Variants in RGS7BP observed in about 807,000 individuals in gnomAD.
RGS7BP encodes the protein regulator of G protein signaling 7-binding protein.
In RGS7BP, 9 loss-of-function variants were observed where a neutral mutation model predicts 31.3. The observed-to-expected ratio is 0.29, with a 90% CI of 0.17 to 0.50. The LOEUF is 0.50. RGS7BP is among the 20% of genes least tolerant of loss of function. RGS7BP has a pLI of 0.98. For missense variants in RGS7BP, 274 were observed against 322.0 expected, an observed-to-expected ratio of 0.85 and a Z score of 1.14; for synonymous variants, 115 against 120.1, an observed-to-expected ratio of 0.96 and a Z score of 0.28.
intron 3 of RGS7BP, among the ~76,000 whole-genome samples, chr5:64,583,413 G>A (rs542068265): frequency 1.1e-4 from 17 of 151,932 alleles, no homozygotes; most frequent in Non-Finnish European, 2.4e-4. Flanking sequence ...AGACTGAACA[G>A]GTTTCTGTTT....
Position 64,506,585 on chromosome 5 carries a change from C to G in RGS7BP, c.-40C>G, listed in dbSNP as rs1748685041. ...AACAACCGGGCCGCCCGCGCCGGGGCGCACTGCACCAGCGGCTTCGGCTTG... is the reference window on the plus strand; with the variant it reads ...AACAACCGGGCCGCCCGCGCCGGGGGGCACTGCACCAGCGGCTTCGGCTTG... On this transcript the variant is annotated 5_prime_UTR_variant, in exon 1 of 6. Transcript: ENST00000334025. The surrounding 1 kb of genome is among the most constrained non-coding windows in gnomAD (Gnocchi z 4.6). 6.5e-7 allele frequency: 1 copy of G among 1,542,878 alleles called. No individual in the cohort carries two copies. The highest frequency in any genetic ancestry group is 1.4e-5 in the African/African-American group (1 of 72,658).
chr5:64,540,428 T>C (rs1741499629), intron 2 of RGS7BP, among the ~76,000 whole-genome samples: 2 of 152,220 alleles, frequency 1.3e-5, no homozygotes, highest in Non-Finnish European at 2.9e-5. Flanking sequence ...ATCTTTAAAC[T>C]TGATAGACCA....
At chr5:64,595,933 C>T (rs1743052720) in intron 4 of RGS7BP, among the ~76,000 whole-genome samples, 1 of 152,088 alleles carries the variant, frequency 6.6e-6, no homozygotes, top group Admixed American at 6.6e-5. Context: ...TTTGTATAAG[C>T]TTGGAAATGC....
rs187024363 is a variant in RGS7BP, at chr5:64,511,748, T to C, written c.332+3871T>C. ...CAACTTGACAAAGAATACGTGAAGA[T>C]TTTGGAGTCAGGCAGACCTGGAATG... On this transcript the variant is annotated intron_variant, in intron 2 of 5. Coordinates refer to ENST00000334025, the MANE Select transcript of RGS7BP (RefSeq NM_001029875.3). 1.3e-3 allele frequency among the ~76,000 whole-genome samples: 191 copies of C among 152,276 alleles called. 3 individuals are homozygous for C. The highest frequency in any genetic ancestry group is 1.7e-3 in the Non-Finnish European group (114 of 68,028).
chr5:64,579,360 A>G, intron 3 of RGS7BP, among the ~76,000 whole-genome samples: 1 of 151,996 alleles, frequency 6.6e-6, no homozygotes, highest in Non-Finnish European at 1.5e-5. Context: ...CCTGACCAAC[A>G]TGGTGAAACC....
chr5:64,597,071 T>A (rs1361142265), intron 4 of RGS7BP, among the ~76,000 whole-genome samples: 1 of 152,184 alleles, frequency 6.6e-6, no homozygotes, highest in Non-Finnish European at 1.5e-5. Context: ...AATTAAAGGA[T>A]GCATCTGCTT....
intron 2 of RGS7BP, among the ~76,000 whole-genome samples, chr5:64,544,770 C>G (rs1167049298): frequency 6.6e-6 from 1 of 152,140 alleles, no homozygotes; most frequent in Non-Finnish European, 1.5e-5. Context: ...TACAAAGGCT[C>G]TGGGATGCAA....
At chr5:64,600,095 C>A (rs541213908) in intron 5 of RGS7BP, among the ~76,000 whole-genome samples, 1 of 152,312 alleles carries the variant, frequency 6.6e-6, no homozygotes, top group East Asian at 1.9e-4. Flanking sequence ...ATATGTCAGG[C>A]TGGTCTTGAG....
At chr5:64,529,831 C>T (rs1336012460) in intron 2 of RGS7BP, among the ~76,000 whole-genome samples, 1 of 152,216 alleles carries the variant, frequency 6.6e-6, no homozygotes, top group Non-Finnish European at 1.5e-5. Context: ...TGTATCTCTG[C>T]TTCAGTTTTC....
intron 2 of RGS7BP, among the ~76,000 whole-genome samples, chr5:64,532,005 A>G (rs1251965783): frequency 6.6e-6 from 1 of 152,108 alleles, no homozygotes; most frequent in Non-Finnish European, 1.5e-5. Context: ...GCATACAAGC[A>G]CAAGTAAAGA....
chr5:64,557,426 A>G (rs896277437), intron 2 of RGS7BP, among the ~76,000 whole-genome samples: 1 of 152,116 alleles, frequency 6.6e-6, no homozygotes, highest in African/African-American at 2.4e-5. Context: ...ATCCTGATAC[A>G]AGTGCTCTTT....
intron 2 of RGS7BP, among the ~76,000 whole-genome samples, chr5:64,513,745 G>A (rs1748900641): frequency 6.6e-6 from 1 of 152,202 alleles, no homozygotes; most frequent in Non-Finnish European, 1.5e-5. Context: ...GGCATGCCAG[G>A]CCACCCACTC....
intron 2 of RGS7BP, among the ~76,000 whole-genome samples, chr5:64,514,494 T>C (rs796904771): frequency 1.3e-5 from 2 of 152,332 alleles, no homozygotes; most frequent in African/African-American, 4.8e-5. Context: ...CAGGGCCCAA[T>C]GTTTAATCAT....
In RGS7BP at chr5:64,611,041, A is replaced by G. The variant is rs1396834845; in HGVS notation, c.*1789A>G. ...TAGCCGTGGAAAGCTATATGAGAAAATCACAATTTTCTGAATCAAATATTT... is the reference window on the plus strand; with the variant it reads ...TAGCCGTGGAAAGCTATATGAGAAAGTCACAATTTTCTGAATCAAATATTT... On this transcript the variant is annotated 3_prime_UTR_variant, in exon 6 of 6. Transcript: ENST00000334025. 1.3e-5 allele frequency: 2 copies of G among 151,932 alleles called. No homozygotes were observed. Among genetic ancestry groups the G allele is most frequent in the Admixed American group, 6.6e-5 (1 of 15,222 alleles). The allele number at this position is 151,932 out of a possible 1,614,324, so 9.4% of individuals were successfully genotyped here.
At chr5:64,577,970 G>A (rs963935569) in intron 3 of RGS7BP, among the ~76,000 whole-genome samples, 2 of 152,100 alleles carry the variant, frequency 1.3e-5, no homozygotes, top group African/African-American at 4.8e-5. Flanking sequence ...GTAGCTCCTC[G>A]ATTTGCCACC....
chr5:64,600,411 C>A (rs1049622073), intron 5 of RGS7BP, among the ~76,000 whole-genome samples: 3 of 152,030 alleles, frequency 2.0e-5, no homozygotes, highest in African/African-American at 7.2e-5. Flanking sequence ...TTTATTTGGT[C>A]ATTTATAATC....
intron 2 of RGS7BP, among the ~76,000 whole-genome samples, chr5:64,532,042 A>T (rs1307555175): frequency 1.3e-5 from 2 of 152,080 alleles, no homozygotes; most frequent in African/African-American, 4.8e-5. Context: ...GCTTATCGGG[A>T]AGTGCTATTT....
intron 2 of RGS7BP, among the ~76,000 whole-genome samples, chr5:64,518,917 G>T (rs1048584539): frequency 1.6e-4 from 25 of 152,094 alleles, no homozygotes; most frequent in Admixed American, 1.6e-3. Context: ...CCCATTAAAT[G>T]TGGCCCTTCT....
In RGS7BP at chr5:64,507,791, C is replaced by T. The variant is rs764785198; in HGVS notation, c.246C>T (p.Pro82=). ...TTGGGGATGTCTCGGTCAGCTGCCC[C>T]TCACTCCGGGCGGAAATGCACAAGA... ...ISIGDVSVSC[P]SLRAEMHKTR... Residue 82 remains proline, a synonymous_variant, in exon 2 of 6, where the codon CCC becomes CCT. Coordinates refer to ENST00000334025, the MANE Select transcript of RGS7BP (RefSeq NM_001029875.3). 32 of 1,613,860 alleles carry T rather than the reference C, an allele frequency of 2.0e-5. No individual in the cohort carries two copies. In the South Asian group the frequency reaches 3.5e-4, roughly 18 times the overall value.
Sources: gnomAD v4.1 joint callset for allele counts (sites outside exome capture counted in the v4.1 genomes callset) on GRCh38, gnomAD v4.1.1 for gene constraint, Gnocchi (gnomAD v3.1) non-coding constraint, MANE v1.5 for transcripts, NCBI Gene and HGNC (gene_info 2026-07-23, HGNC 2026-07-21) for gene names.